Variants in MTMR6 observed in about 807,000 individuals in gnomAD.
MTMR6 encodes the protein myotubularin related protein 6.
MTMR6 carries 47 observed loss-of-function variants against 80.1 expected under a neutral mutation model. The ratio of observed to expected loss-of-function variants is 0.59; its 90% CI spans 0.46 to 0.75. The LOEUF (loss-of-function observed/expected upper bound fraction) is 0.75, where lower values mean the gene tolerates loss of function less well. MTMR6 is among the 30% of genes least tolerant of loss of function. The pLI, the probability that MTMR6 is intolerant of heterozygous loss-of-function variation, is 0.00. For synonymous variants in MTMR6, 254 were observed against 253.0 expected, an observed-to-expected ratio of 1.00 and a Z score of -0.04; for missense variants, 629 against 730.9, an observed-to-expected ratio of 0.86 and a Z score of 1.61.
intron 2 of MTMR6, among the ~76,000 whole-genome samples, chr13:25,271,456 A>C (rs4335646): frequency 0.93 from 141,703 of 152,198 alleles, 66,785 homozygotes; most frequent in East Asian, 1. Flanking sequence ...ACGTGAGCTC[A>C]TTTTACTACT....
At chr13:25,249,584 C>A in intron 13 of MTMR6, 92 bp from the exon 14 acceptor site, 1 of 1,265,562 alleles carries the variant, frequency 7.9e-7, no homozygotes. Flanking sequence ...AAAATATGTT[C>A]TCTGTATGTA....
intron 9 of MTMR6, 23 bp downstream of exon 9, chr13:25,257,173 G>T: frequency 6.2e-7 from 1 of 1,606,226 alleles, no homozygotes; most frequent in Non-Finnish European, 8.5e-7. Context: ...AAGAACCATT[G>T]GTCTAACCAA....
chr13:25,252,103 T>C (rs967886109), intron 11 of MTMR6, 119 bp from the exon 12 acceptor site: 22 of 1,074,704 alleles, frequency 2.0e-5, no homozygotes, highest in Non-Finnish European at 2.8e-5. Context: ...TAGTTTTTTC[T>C]TGTATTCACA....
intron 6 of MTMR6, among the ~76,000 whole-genome samples, chr13:25,259,544 CG>C (rs1957287136): frequency 6.6e-6 from 1 of 152,128 alleles, no homozygotes. Flanking sequence ...ACTAGTTATT[CG>C]GTACCTAAAG....
intron 1 of MTMR6, among the ~76,000 whole-genome samples, chr13:25,278,875 ACT>A (rs1229906762): frequency 6.6e-6 from 1 of 152,064 alleles, no homozygotes; most frequent in Non-Finnish European, 1.5e-5. Context: ...ACAGAGCGAG[ACT>A]CTGTCATAAA....
chr13:25,267,907 A>T lies in MTMR6; in HGVS notation c.176T>A (p.Leu59His). ...GGGGCATCCAGAAGTAGTCAAAGCA[A>T]GTTTCTCTACTGAGGCAATATGGTG... ...LHHHIASVEK[L>H]ALTTSGCPLV... The change falls in exon 3 of 14, where the codon CTT (leucine) becomes CAT (histidine). Residue 59 changes from leucine (L) to histidine (H), a missense_variant. Transcript: ENST00000381801. 1 of 1,612,630 alleles carries T rather than the reference A, an allele frequency of 6.2e-7. No individual in the cohort carries two copies. Among genetic ancestry groups the T allele is most frequent in the South Asian group, 1.1e-5 (1 of 90,606 alleles).
Position 25,267,929 on chromosome 13 carries a change from G to A in MTMR6, c.154C>T (p.His52Tyr). The A allele has an allele frequency of 6.2e-7, 1 of 1,608,394 alleles. No homozygotes were observed. The highest frequency in any genetic ancestry group is 8.5e-7 in the Non-Finnish European group (1 of 1,177,428). Residue 52 changes from histidine (H) to tyrosine (Y), a missense_variant, in exon 3 of 14, where the codon CAT becomes TAT. By Grantham distance (83) the His-to-Tyr change is moderately conservative (BLOSUM62 2). Coordinates refer to ENST00000381801, the MANE Select transcript of MTMR6 (RefSeq NM_004685.5). The part of the protein sequence containing the change: ...HQKETWILHH[H>Y]IASVEKLALT... ...GCAAGTTTCTCTACTGAGGCAATAT[G>A]GTGGTGTAATATCTACAGCATGAAA... is the stretch of plus-strand genomic sequence containing the variant.
chr13:25,287,460 G>A lies in MTMR6; in HGVS notation c.-213C>T, dbSNP rs900491829. 29 of 614,780 alleles carry A rather than the reference G, an allele frequency of 4.7e-5. No homozygotes were observed. The highest frequency in any genetic ancestry group is 2.0e-4 in the East Asian group (7 of 35,088). 38.1% of individuals were successfully genotyped at this position (614,780 alleles called of 1,614,324 possible). The stretch of plus-strand genomic sequence containing the variant: ...CCCCAAACCCCGCGGCCTCCCGGGG[G>A]ACTCGGGGCAGGCAGACAGAGCGTG... On this transcript the variant is annotated 5_prime_UTR_variant, in exon 1 of 14. Transcript: ENST00000381801.
At chr13:25,260,237 C>T (rs535031055) in intron 6 of MTMR6, among the ~76,000 whole-genome samples, 127 of 151,254 alleles carry the variant, frequency 8.4e-4, no homozygotes, top group African/African-American at 3.0e-3. Context: ...GGCGTGATCT[C>T]GGCTCACCAC....
intron 2 of MTMR6, among the ~76,000 whole-genome samples, chr13:25,268,332 C>T (rs1957500232): frequency 6.6e-6 from 1 of 152,212 alleles, no homozygotes; most frequent in Non-Finnish European, 1.5e-5. Flanking sequence ...CCATTTTCTA[C>T]AACACAGTAG....
At chr13:25,264,433 G>C (rs1957407714) in intron 5 of MTMR6, among the ~76,000 whole-genome samples, 1 of 152,040 alleles carries the variant, frequency 6.6e-6, no homozygotes, top group Non-Finnish European at 1.5e-5. Flanking sequence ...TGAGTTTCTG[G>C]ATGAGATTTA....
intron 1 of MTMR6, among the ~76,000 whole-genome samples, chr13:25,280,746 CA>C (rs1957824586): frequency 6.7e-6 from 1 of 150,042 alleles, no homozygotes; most frequent in South Asian, 2.1e-4. Flanking sequence ...TCATCACAGC[CA>C]AAAAGTAAAT....
At chr13:25,261,915 G>A (rs41290732) in intron 5 of MTMR6, 113 bp from the exon 6 acceptor site, 67,765 of 961,336 alleles carry the variant, frequency 0.07, 2,824 homozygotes, top group Admixed American at 0.094. Context: ...TAATTAGGAG[G>A]CATTAACTTT....
At position 25,251,916 on chromosome 13, in the gene MTMR6, A is replaced by G; in HGVS notation, c.1415T>C (p.Leu472Pro). Reference sequence around the variant, plus strand: ...AAATCTGTGAGATTCGGAACTGTAGAGAGGATTTAAGTACTTCTTTTGGTC... The same window carrying G: ...AAATCTGTGAGATTCGGAACTGTAGGGAGGATTTAAGTACTTCTTTTGGTC... Reference protein sequence around the residue: ...LEDQKKYLNPLYSSESHRFTV... With the variant: ...LEDQKKYLNPPYSSESHRFTV... The change falls in exon 12 of 14, where the codon CTC becomes CCC. Residue 472 changes from leucine to proline, a missense_variant. Leu to Pro is a moderately conservative substitution (Grantham distance 98, BLOSUM62 -3). Coordinates refer to ENST00000381801, the MANE Select transcript of MTMR6 (RefSeq NM_004685.5). The surrounding 1 kb of genome is among the most constrained non-coding windows in gnomAD (Gnocchi z 4.1). 6.2e-7 allele frequency: 1 copy of G among 1,609,116 alleles called. No homozygotes were observed. Among genetic ancestry groups the G allele is most frequent in the South Asian group, 1.1e-5 (1 of 89,854 alleles).
intron 1 of MTMR6, among the ~76,000 whole-genome samples, chr13:25,285,251 T>G (rs1306927200): frequency 6.6e-6 from 1 of 152,222 alleles, no homozygotes; most frequent in African/African-American, 2.4e-5. Flanking sequence ...CATAATAAAT[T>G]GAATGAGGAA....
chr13:25,250,585 A>T (rs1957062884), intron 13 of MTMR6, among the ~76,000 whole-genome samples: 1 of 152,244 alleles, frequency 6.6e-6, no homozygotes, highest in South Asian at 2.1e-4. Flanking sequence ...CTTCATTTGT[A>T]ATCATGGAAA....
At chr13:25,279,299 A>G (rs1214546599) in intron 1 of MTMR6, among the ~76,000 whole-genome samples, 1 of 151,950 alleles carries the variant, frequency 6.6e-6, no homozygotes, top group Non-Finnish European at 1.5e-5. Context: ...TTAAAGTGGG[A>G]CACTTTCCCC....
At position 25,274,073 on chromosome 13, in the gene MTMR6, A is replaced by G; in HGVS notation, c.139T>C (p.Trp47Arg). The G allele has an allele frequency of 6.4e-7, 1 of 1,568,380 alleles. No homozygotes were observed. The highest frequency in any genetic ancestry group is 8.7e-7 in the Non-Finnish European group (1 of 1,143,196). The change falls in exon 2 of 14, where the codon TGG becomes CGG. Residue 47 changes from tryptophan (W) to arginine (R), a missense_variant and splice_region_variant. Trp to Arg is a moderately radical substitution (Grantham distance 101, BLOSUM62 -3). Transcript: ENST00000381801. The stretch of plus-strand genomic sequence containing the variant: ...AGTACAGCTGCGGTCCTCCTTACCC[A>G]GGTTTCTTTTTGATGAGAGTCGATA... The part of the protein sequence containing the change: ...LFIDSHQKET[W>R]ILHHHIASVE...
chr13:25,254,012 C>T, intron 10 of MTMR6, 48 bp from the exon 11 acceptor site: 6 of 1,566,926 alleles, frequency 3.8e-6, no homozygotes, highest in Non-Finnish European at 5.3e-6. Flanking sequence ...CTGAAAGGTC[C>T]ATTGTTCAGG....
Sources: allele counts gnomAD v4.1 joint callset (sites outside exome capture counted in the v4.1 genomes callset), GRCh38; gene constraint gnomAD v4.1.1; non-coding constraint Gnocchi (gnomAD v3.1); transcripts MANE v1.5; gene names NCBI Gene and HGNC (gene_info 2026-07-23, HGNC 2026-07-21).